MED11: variants seen among roughly 807,000 people sequenced by gnomAD.
MED11 encodes the protein mediator complex subunit 11, also known as mediator of RNA polymerase II transcription subunit 11.
A neutral mutation model predicts 13.9 loss-of-function variants in MED11; 19 were observed. That is an observed-to-expected ratio of 1.36 (90% CI 0.95 to 2.00). The LOEUF (loss-of-function observed/expected upper bound fraction) is 2.00. Among genes scored for constraint, MED11 ranks in the 30% most tolerant of loss-of-function variants. The pLI is 0.00. For synonymous variants in MED11, 67 were observed against 62.1 expected (o/e 1.08, Z -0.37); for missense variants, 134 against 150.2 (o/e 0.89, Z 0.56).
rs2271166 is a variant in MED11, at chr17:4,731,664, G to A, written c.85+90G>A. On this transcript the variant is annotated intron_variant, in intron 1 of 2. Transcript: ENST00000293777. The stretch of plus-strand genomic sequence containing the variant: ...ACCTGGGACTTGGAGCAGGGTTGGG[G>A]AGGGAATCCTACGTGCGTGCGCAGC... 811 of 1,608,532 alleles carry A rather than the reference G, an allele frequency of 5.0e-4. 18 individuals are homozygous for A. In the East Asian group the frequency reaches 0.018, roughly 35 times the overall value.
Position 4,731,872 on chromosome 17 carries a change from C to T in MED11, c.182C>T (p.Ala61Val). 4 of 1,614,052 alleles carry T rather than the reference C, an allele frequency of 2.5e-6. No homozygotes were observed. Among genetic ancestry groups the T allele is most frequent in the Non-Finnish European group, 3.4e-6 (4 of 1,180,014 alleles). ...ACCGCTTCAGTGCAACACGTGGAGG[C>T]GGAGCTGTCAGCTCAGATCCGCTAC... ...AFTASVQHVEAELSAQIRYLT... is the reference protein window; with the variant it reads ...AFTASVQHVEVELSAQIRYLT... Residue 61 changes from alanine to valine, a missense_variant, in exon 2 of 3, where the codon GCG (alanine) becomes GTG (valine). Physicochemically the swap from Ala to Val is moderately conservative, Grantham distance 64 (BLOSUM62 0). Transcript: ENST00000293777.
At position 4,733,233 on chromosome 17, in the gene MED11, C is replaced by G. The variant is rs762442753; in HGVS notation, c.*46C>G. 2 of 1,610,230 alleles carry G rather than the reference C, an allele frequency of 1.2e-6. No homozygotes were observed. The highest frequency in any genetic ancestry group is 1.7e-6 in the Non-Finnish European group (2 of 1,177,992). ...GCTGAGAGGGAGACCATCACCTGTG[C>G]CATGGGACAGAACCTGGGAACATGT... On this transcript the variant is annotated 3_prime_UTR_variant, in exon 3 of 3. Transcript: ENST00000293777.
intron 1 of MED11, 88 bp downstream of exon 1, chr17:4,731,662 G>A: frequency 6.2e-7 from 1 of 1,608,828 alleles, no homozygotes; most frequent in Non-Finnish European, 8.5e-7. Context: ...AGCAGGGTTG[G>A]GGAGGGAATC....
Position 4,733,321 on chromosome 17 carries a change from A to G in MED11, c.*134A>G. ...CAAAGTACCCTAGGACAAAGGGGCAAATGGTGGGCATGGAAAAACTGAAGC... is the reference window on the plus strand; with the variant it reads ...CAAAGTACCCTAGGACAAAGGGGCAGATGGTGGGCATGGAAAAACTGAAGC... On this transcript the variant is annotated 3_prime_UTR_variant, in exon 3 of 3. Coordinates refer to ENST00000293777, the MANE Select transcript of MED11 (RefSeq NM_001001683.4). The G allele has an allele frequency of 3.5e-6, 4 of 1,153,788 alleles. No homozygotes were observed. Among genetic ancestry groups the G allele is most frequent in the Non-Finnish European group, 4.8e-6 (4 of 831,832 alleles). The allele number at this position is 1,153,788 out of a possible 1,614,324, so 71.5% of individuals were successfully genotyped here.
rs780429843 is a variant in MED11, at chr17:4,733,050, G to T, written c.217G>T (p.Val73Leu). 3 of 1,614,146 alleles carry T rather than the reference G, an allele frequency of 1.9e-6. No homozygotes were observed. The highest frequency in any genetic ancestry group is 2.5e-6 in the Non-Finnish European group (3 of 1,180,008). Residue 73 changes from valine to leucine, a missense_variant and splice_region_variant, in exon 3 of 3, where the codon GTG (valine) becomes TTG (leucine). Transcript: ENST00000293777. Reference sequence around the variant, plus strand: ...GCTCCATTGATAGTCTGTCTTGTAGGTGGCCACAGGGCAGCCCCATGAGGG... The same window carrying T: ...GCTCCATTGATAGTCTGTCTTGTAGTTGGCCACAGGGCAGCCCCATGAGGG... ...LSAQIRYLTQ[V>L]ATGQPHEGSS...
intron 2 of MED11, 115 bp from the exon 3 acceptor site, chr17:4,732,935 C>A: frequency 2.5e-6 from 3 of 1,177,708 alleles, no homozygotes; most frequent in Non-Finnish European, 3.6e-6. Flanking sequence ...ATTTATTTAC[C>A]CAGCTACCAG....
At chr17:4,731,628 C>G in intron 1 of MED11, 54 bp downstream of exon 1, 2 of 1,607,810 alleles carry the variant, frequency 1.2e-6, no homozygotes, top group East Asian at 2.2e-5. Context: ...CCGGGCTGCA[C>G]TGGCAGCCTG....
chr17:4,731,817 C>T lies in MED11; in HGVS notation c.127C>T (p.Arg43Trp). The stretch of plus-strand genomic sequence containing the variant: ...ATTGTCCAAGGAAAAAACTAACGAG[C>T]GGCTCCTAGACCGGCAGGCGGCGGC... ...LELSKEKTNE[R>W]LLDRQAAAFT... The change falls in exon 2 of 3, where the codon CGG becomes TGG. Residue 43 changes from arginine to tryptophan, a missense_variant. By Grantham distance (101) the Arg-to-Trp change is moderately radical (BLOSUM62 -3). Transcript: ENST00000293777. The T allele has an allele frequency of 6.2e-7, 1 of 1,614,186 alleles. No homozygotes were observed. Among genetic ancestry groups the T allele is most frequent in the Non-Finnish European group, 8.5e-7 (1 of 1,180,030 alleles).
At chr17:4,732,884 G>C in intron 2 of MED11, 166 bp from the exon 3 acceptor site, 2 of 737,030 alleles carry the variant, frequency 2.7e-6, no homozygotes, top group South Asian at 3.7e-5. Context: ...AGTAGTTATT[G>C]TCACCCCCAT....
rs762025157 is a variant in MED11, at chr17:4,731,994, G to C, written c.216+88G>C. ...GTGATCCAGGGTGGAGCATTAACTG[G>C]GCAGGACCAGACCTCCCCAGCCGGC... On this transcript the variant is annotated intron_variant, in intron 2 of 2. Transcript: ENST00000293777. The C allele has an allele frequency of 2.7e-6, 4 of 1,483,052 alleles. No individual in the cohort carries two copies. The African/African-American group carries it at 4.2e-5, about 16-fold the overall frequency. 91.9% of individuals were successfully genotyped at this position (1,483,052 alleles called of 1,614,324 possible).
Position 4,731,822 on chromosome 17 carries a change from C to T in MED11, c.132C>T (p.Leu44=). The T allele has an allele frequency of 3.1e-6, 5 of 1,614,176 alleles. No individual in the cohort carries two copies. Among genetic ancestry groups the T allele is most frequent in the Non-Finnish European group, 4.2e-6 (5 of 1,180,032 alleles). ...CCAAGGAAAAAACTAACGAGCGGCT[C>T]CTAGACCGGCAGGCGGCGGCCTTCA... ...ELSKEKTNER[L]LDRQAAAFTA... Residue 44 remains leucine, a synonymous_variant, in exon 2 of 3, where the codon CTC becomes CTT. Coordinates refer to ENST00000293777, the MANE Select transcript of MED11 (RefSeq NM_001001683.4).
At chr17:4,732,066 G>A (rs1915997399) in intron 2 of MED11, 160 bp downstream of exon 2, 3 of 804,180 alleles carry the variant, frequency 3.7e-6, no homozygotes, top group Non-Finnish European at 5.6e-6. Context: ...TGGGCCGGGC[G>A]CAGTGGCTTG....
At position 4,733,406 on chromosome 17, in the gene MED11, C is replaced by G. The variant is rs1037166181; in HGVS notation, c.*219C>G. The G allele has an allele frequency of 2.1e-5, 11 of 511,742 alleles. No individual in the cohort carries two copies. In the East Asian group the frequency reaches 3.3e-4, roughly 16 times the overall value. 31.7% of individuals were successfully genotyped at this position (511,742 alleles called of 1,614,324 possible). A position where few individuals can be genotyped will look rare whatever the true frequency, so the allele number is the denominator to read the frequency against. ...AGCAGGGTGCTCCTGCTCTGCACTC[C>G]AGAAACACCCTGACAGGCTCAGAGA... On this transcript the variant is annotated 3_prime_UTR_variant, in exon 3 of 3. Coordinates refer to ENST00000293777, the MANE Select transcript of MED11 (RefSeq NM_001001683.4).
Position 4,731,798 on chromosome 17 carries a change from C to T in MED11, c.108C>T (p.Ser36=). 1 of 1,614,126 alleles carries T rather than the reference C, an allele frequency of 6.2e-7. No homozygotes were observed. The change falls in exon 2 of 3, where the codon TCC becomes TCT. Residue 36 remains serine, a synonymous_variant. Coordinates refer to ENST00000293777, the MANE Select transcript of MED11 (RefSeq NM_001001683.4). ...CAGGTACTGTGATCCTAGAATTGTCCAAGGAAAAAACTAACGAGCGGCTCC... is the reference window on the plus strand; with the variant it reads ...CAGGTACTGTGATCCTAGAATTGTCTAAGGAAAAAACTAACGAGCGGCTCC... The part of the protein sequence containing the change: ...QNAGTVILEL[S]KEKTNERLLD...
chr17:4,732,889 C>A, intron 2 of MED11, 161 bp from the exon 3 acceptor site: 1 of 764,232 alleles, frequency 1.3e-6, no homozygotes, highest in South Asian at 1.8e-5. Context: ...TTATTGTCAC[C>A]CCCATTTTAC....
intron 1 of MED11, 61 bp from the exon 2 acceptor site, chr17:4,731,715 G>GC: frequency 6.2e-7 from 1 of 1,607,668 alleles, no homozygotes. Flanking sequence ...AGAGGGGCTG[G>GC]CCTAGGGAGA....
Position 4,731,555 on chromosome 17 carries a change from CGCCATCCTTCAGAAT to C in MED11, c.69_83del (p.Ile24_Ala28del). ...TGGAAGACATTGAACGGGAAATCGG[CGCCATCCTTCAGAAT>C]GCAGGTTCGGGATGCGACAACCTGG... is the stretch of plus-strand genomic sequence containing the variant. On this transcript the variant is annotated inframe_deletion, in exon 1 of 3. Coordinates refer to ENST00000293777, the MANE Select transcript of MED11 (RefSeq NM_001001683.4). 6.2e-7 allele frequency: 1 copy of C among 1,614,156 alleles called. No individual in the cohort carries two copies. Among genetic ancestry groups the C allele is most frequent in the Non-Finnish European group, 8.5e-7 (1 of 1,180,024 alleles).
chr17:4,731,619 CGG>C, intron 1 of MED11, 45 bp downstream of exon 1: 1 of 1,611,968 alleles, frequency 6.2e-7, no homozygotes, highest in Non-Finnish European at 8.5e-7. Flanking sequence ...AAAGCGTGAC[CGG>C]GCTGCACTGG....
intron 2 of MED11, chr17:4,732,426 A>AAAAAAAAAAAG (rs1184353888): frequency 6.5e-6 from 1 of 154,828 alleles, no homozygotes; most frequent in Non-Finnish European, 1.4e-5. Flanking sequence ...GTCTCAAAAA[A>AAAAAAAAAAAG]AAAAAAAGCC....
Sources: allele counts gnomAD v4.1 joint callset, GRCh38; gene constraint gnomAD v4.1.1; transcripts MANE v1.5; gene names NCBI Gene and HGNC (gene_info 2026-07-23, HGNC 2026-07-21).